RAPGEF5: variants seen among roughly 807,000 people sequenced by gnomAD.
The protein encoded by RAPGEF5 is Rap guanine nucleotide exchange factor 5.
A neutral mutation model predicts 125.2 loss-of-function variants in RAPGEF5; 65 were observed. The ratio of observed to expected loss-of-function variants is 0.52; its 90% CI spans 0.43 to 0.64. RAPGEF5 has a LOEUF of 0.64. RAPGEF5 is among the 30% of genes least tolerant of loss of function. RAPGEF5 has a pLI of 0.00. For missense variants in RAPGEF5, 958 were observed against 1,048.1 expected, an observed-to-expected ratio of 0.91 and a Z score of 1.19; for synonymous variants, 391 against 385.9, an observed-to-expected ratio of 1.01 and a Z score of -0.16.
chr7:22,247,618 T>C (rs988722486), intron 7 of RAPGEF5, among the ~76,000 whole-genome samples: 1 of 152,166 alleles, frequency 6.6e-6, no homozygotes, highest in Non-Finnish European at 1.5e-5. Context: ...TCCCCATTCA[T>C]GTGGAACTGT....
intron 11 of RAPGEF5, among the ~76,000 whole-genome samples, chr7:22,181,136 CTCTT>C (rs1784660538): frequency 1.3e-5 from 2 of 152,140 alleles, no homozygotes; most frequent in African/African-American, 2.4e-5. Context: ...ACTCTGCTCT[CTCTT>C]TTTTTCTTAA....
intron 8 of RAPGEF5, among the ~76,000 whole-genome samples, chr7:22,222,031 G>C (rs926874003): frequency 3.9e-5 from 6 of 152,130 alleles, no homozygotes; most frequent in Admixed American, 6.5e-5. Context: ...TGGATCACCT[G>C]ATGTCAGGAG....
At chr7:22,323,873 G>C (rs981610966) in intron 1 of RAPGEF5, among the ~76,000 whole-genome samples, 2 of 152,014 alleles carry the variant, frequency 1.3e-5, no homozygotes, top group East Asian at 3.9e-4. Flanking sequence ...CTTCCTCATG[G>C]GATTATTTTA....
chr7:22,174,657 AT>A (rs769962189), intron 11 of RAPGEF5, among the ~76,000 whole-genome samples: 3 of 152,212 alleles, frequency 2.0e-5, no homozygotes, highest in Non-Finnish European at 2.9e-5. Context: ...GTTGGAGGAA[AT>A]TCCTGAAGGA....
intron 1 of RAPGEF5, among the ~76,000 whole-genome samples, chr7:22,339,657 A>G (rs760570655): frequency 2.6e-5 from 4 of 152,222 alleles, no homozygotes; most frequent in Non-Finnish European, 5.9e-5. Flanking sequence ...CACAACAACT[A>G]AAATCATTAA....
At chr7:22,152,962 G>A (rs1198185653) in intron 17 of RAPGEF5, among the ~76,000 whole-genome samples, 6 of 152,252 alleles carry the variant, frequency 3.9e-5, no homozygotes, top group South Asian at 2.1e-4. Context: ...ACATTACAAC[G>A]CTATTGCCCA....
At position 22,154,542 on chromosome 7, in the gene RAPGEF5, T is replaced by A; in HGVS notation, c.1699A>T (p.Ile567Leu). The A allele has an allele frequency of 6.2e-7, 1 of 1,613,932 alleles. No individual in the cohort carries two copies. Among genetic ancestry groups the A allele is most frequent in the Non-Finnish European group, 8.5e-7 (1 of 1,179,818 alleles). ...ACGACTTTTAGGATCTCTTGGGCTA[T>A]ACTGGAAACTTTTGCCTTCACACTG... ...YVSVKAKVSS[I>L]AQEILKVVAE... is the part of the protein sequence containing the mutation. The change falls in exon 17 of 26, where the codon ATA becomes TTA. Residue 567 changes from isoleucine (I) to leucine (L), a missense_variant. Physicochemically the swap from Ile to Leu is conservative, Grantham distance 5. Transcript: ENST00000665637.
chr7:22,356,719 C>T, intron 1 of RAPGEF5, 111 bp downstream of exon 1: 2 of 515,800 alleles, frequency 3.9e-6, no homozygotes, highest in Non-Finnish European at 5.2e-6. Context: ...GAAGGGCGTC[C>T]CTTCCGCCAC....
chr7:22,321,111 T>C (rs966963663), intron 1 of RAPGEF5, among the ~76,000 whole-genome samples: 4 of 152,108 alleles, frequency 2.6e-5, no homozygotes, highest in Admixed American at 1.3e-4. Context: ...TAAATGAAAA[T>C]AGATTTTTAA....
intron 25 of RAPGEF5, 92 bp downstream of exon 25, chr7:22,125,512 C>G (rs889108132): frequency 1.1e-5 from 13 of 1,204,406 alleles, no homozygotes; most frequent in African/African-American, 3.0e-5. Flanking sequence ...ACTTTTCAAT[C>G]TGTTTAAATT....
At chr7:22,140,164 C>T in intron 20 of RAPGEF5, 49 bp from the exon 21 acceptor site, 1 of 1,470,808 alleles carries the variant, frequency 6.8e-7, no homozygotes, top group Non-Finnish European at 9.3e-7. Context: ...CATTCTTTCC[C>T]CAGATAATCA....
At chr7:22,252,135 T>C (rs1398062119) in intron 7 of RAPGEF5, among the ~76,000 whole-genome samples, 1 of 152,184 alleles carries the variant, frequency 6.6e-6, no homozygotes, top group Admixed American at 6.5e-5. Context: ...CTGCTCAATG[T>C]CTCAGGAAAC....
intron 1 of RAPGEF5, among the ~76,000 whole-genome samples, chr7:22,325,482 T>A (rs987794357): frequency 1.3e-5 from 2 of 152,170 alleles, no homozygotes; most frequent in African/African-American, 4.8e-5. Context: ...CTGCCTTAAG[T>A]GGTCATGCAT....
intron 6 of RAPGEF5, among the ~76,000 whole-genome samples, chr7:22,275,024 C>G (rs1782525047): frequency 6.6e-6 from 1 of 152,126 alleles, no homozygotes. Flanking sequence ...ATGGCATTTG[C>G]TATTCCCTGG....
intron 1 of RAPGEF5, among the ~76,000 whole-genome samples, chr7:22,320,269 T>C (rs1783689090): frequency 6.6e-6 from 1 of 152,210 alleles, no homozygotes; most frequent in South Asian, 2.1e-4. Context: ...GAGAGCTTTG[T>C]GGAACTCAGT....
At chr7:22,354,081 A>C (rs901572750) in intron 1 of RAPGEF5, among the ~76,000 whole-genome samples, 1 of 151,302 alleles carries the variant, frequency 6.6e-6, no homozygotes, top group East Asian at 1.9e-4. Context: ...GAAAAAAAAC[A>C]AAACAAAACA....
At chr7:22,142,679 G>A (rs1783302716) in intron 20 of RAPGEF5, among the ~76,000 whole-genome samples, 2 of 152,278 alleles carry the variant, frequency 1.3e-5, no homozygotes, top group African/African-American at 2.4e-5. Flanking sequence ...TTCATTCCAC[G>A]ATAAGAACAG....
At chr7:22,349,447 G>A (rs1188845146) in intron 1 of RAPGEF5, among the ~76,000 whole-genome samples, 1 of 148,116 alleles carries the variant, frequency 6.8e-6, no homozygotes, top group Admixed American at 6.7e-5. Context: ...AAAAAAGGGT[G>A]ACTATAATTT....
intron 9 of RAPGEF5, among the ~76,000 whole-genome samples, chr7:22,214,931 G>C (rs1031282636): frequency 4.6e-5 from 7 of 152,150 alleles, no homozygotes; most frequent in Admixed American, 1.3e-4. Flanking sequence ...TTCAGTCACT[G>C]TTCAGTCAGA....
Sources: allele counts gnomAD v4.1 joint callset (sites outside exome capture counted in the v4.1 genomes callset), GRCh38; gene constraint gnomAD v4.1.1; transcripts MANE v1.5; gene names NCBI Gene and HGNC (gene_info 2026-07-23, HGNC 2026-07-21).